MUC4: variants seen among roughly 807,000 people sequenced by gnomAD.
The protein encoded by MUC4 is mucin 4, cell surface associated.
A neutral mutation model predicts 257.9 loss-of-function variants in MUC4; 202 were observed. The ratio of observed to expected loss-of-function variants is 0.78; its 90% CI spans 0.70 to 0.88. The LOEUF is 0.88. Among genes scored for constraint, MUC4 ranks in the 40% least tolerant of loss-of-function variants. MUC4 has a pLI of 0.00. For missense variants in MUC4, 5,976 were observed against 6,513.7 expected, an observed-to-expected ratio of 0.92 and a Z score of 2.84; for synonymous variants, 2,351 against 2,757.1, an observed-to-expected ratio of 0.85 and a Z score of 4.62.
intron 1 of MUC4, among the ~76,000 whole-genome samples, chr3:195,794,375 G>GAGAGAGAGAGAGAGAAGAA (rs1560409442): frequency 1.1e-5 from 1 of 90,828 alleles, no homozygotes; most frequent in African/African-American, 4.9e-5. Context: ...TATATATATA[G>GAGAGAGAGAGAGAGAAGAA]AGAGAGAGAG....
rs1191630957 is a variant in MUC4 at position 195,767,564 on chromosome 3, C to CCACCACCAT, written c.13530-822_13530-814dup. Among the ~76,000 whole-genome samples the CCACCACCAT allele has an allele frequency of 1.8e-3, 61 of 34,716 alleles. 2 individuals are homozygous for CCACCACCAT. Among genetic ancestry groups the CCACCACCAT allele is most frequent in the African/African-American group, 7.6e-3 (60 of 7,850 alleles). 22.8% of individuals were successfully genotyped at this position (34,716 alleles called of 152,430 possible). A position where few individuals can be genotyped will look rare whatever the true frequency, so the allele number is the denominator to read the frequency against. Reference sequence around the variant, plus strand: ...ATCATCACCATCACCATTACCATTGCCACCACCATCACCACCACCATCACC... The same window carrying CCACCACCAT: ...ATCATCACCATCACCATTACCATTGCCACCACCATCACCACCATCACCACCACCATCACC... On this transcript the variant is annotated intron_variant, in intron 7 of 24. Coordinates refer to ENST00000463781, the MANE Select transcript of MUC4 (RefSeq NM_018406.7).
At chr3:195,807,525 T>C (rs1200213876) in intron 1 of MUC4, among the ~76,000 whole-genome samples, 1 of 151,704 alleles carries the variant, frequency 6.6e-6, no homozygotes, top group Non-Finnish European at 1.5e-5. Flanking sequence ...AAAAAAACCG[T>C]CTATGAAGAA....
chr3:195,763,987 A>G, intron 11 of MUC4, 58 bp downstream of exon 11: 1 of 1,564,006 alleles, frequency 6.4e-7, no homozygotes, highest in Non-Finnish European at 8.7e-7. Flanking sequence ...CACCTCCCGG[A>G]AGCCCAGAAG....
rs1736798998 is a variant in MUC4, at chr3:195,811,911, G to T, written c.-94C>A. The T allele has an allele frequency of 1.6e-6, 2 of 1,289,752 alleles. No individual in the cohort carries two copies. The highest frequency in any genetic ancestry group is 1.5e-5 in the African/African-American group (1 of 68,414). 79.9% of individuals were successfully genotyped at this position (1,289,752 alleles called of 1,614,324 possible). On this transcript the variant is annotated 5_prime_UTR_variant, in exon 1 of 25. Coordinates refer to ENST00000463781, the MANE Select transcript of MUC4 (RefSeq NM_018406.7). ...AGACGTGAGCCCGTCCCCTCAGGCG[G>T]CTGGCCCGAACCAAGTGCGTTTCTC...
chr3:195,754,925 C>T (rs78187884), intron 18 of MUC4, among the ~76,000 whole-genome samples: 3 of 134,346 alleles, frequency 2.2e-5, no homozygotes, highest in African/African-American at 5.7e-5. Flanking sequence ...TGCATGTATG[C>T]ATGTATCCAT....
rs1553871041 is a variant in MUC4 at position 195,780,739 on chromosome 3, G to A, written c.10841C>T (p.Thr3614Ile). Reference protein sequence around the residue: ...TDTSSASTGDTTRLPVTDTSS... With the variant: ...TDTSSASTGDITRLPVTDTSS... ...AGTGTCCGTGACAGGAAGACGGGTG[G>A]TGTCACCTGTGGATGCTGAGGAAGT... Residue 3614 changes from threonine (T) to isoleucine (I), a missense_variant, in exon 2 of 25, where the codon ACC (threonine) becomes ATC (isoleucine). By Grantham distance (89) the Thr-to-Ile change is moderately conservative. Around this residue, in one of 44 missense-constraint regions of MUC4, gnomAD observed 59 missense variants for 149.8 expected, o/e 0.39. Coordinates refer to ENST00000463781, the MANE Select transcript of MUC4 (RefSeq NM_018406.7). 1.3e-6 allele frequency: 2 copies of A among 1,499,268 alleles called. No individual in the cohort carries two copies. The highest frequency in any genetic ancestry group is 2.5e-5 in the East Asian group (1 of 39,960). 92.9% of individuals were successfully genotyped at this position (1,499,268 alleles called of 1,614,324 possible).
rs112260425 is a variant in MUC4 at position 195,788,304 on chromosome 3, A to G, written c.3276T>C (p.Thr1092=). 0.019 allele frequency: 19,098 copies of G among 997,234 alleles called. 1,645 individuals are homozygous for G. Among genetic ancestry groups the G allele is most frequent in the African/African-American group, 0.15 (2,887 of 19,438 alleles). The allele number at this position is 997,234 out of a possible 1,614,324, so 61.8% of individuals were successfully genotyped here. A position where few individuals can be genotyped will look rare whatever the true frequency, so the allele number is the denominator to read the frequency against. The part of the protein sequence containing the change: ...STGDTTPLPV[T]DTSSASTGHA... ...GACCTGTGGATGCTGAGGAAGTGTC[A>G]GTGACAGGAAGAGGGGTGGTGTCAC... The change falls in exon 2 of 25, where the codon ACT becomes ACC. Residue 1092 remains threonine, a synonymous_variant. Coordinates refer to ENST00000463781, the MANE Select transcript of MUC4 (RefSeq NM_018406.7).
chr3:195,778,785 G>C lies in MUC4; in HGVS notation c.12790+5C>G, dbSNP rs771589561. Reference sequence around the variant, plus strand: ...AGACATAAAGGCGAGGCAGTTGGCAGCTACCTGGTGTTTCCATCTTCAGAG... The same window carrying C: ...AGACATAAAGGCGAGGCAGTTGGCACCTACCTGGTGTTTCCATCTTCAGAG... On this transcript the variant is annotated splice_donor_5th_base_variant and intron_variant, in intron 2 of 24. Transcript: ENST00000463781. The C allele has an allele frequency of 4.4e-6, 7 of 1,605,706 alleles. No homozygotes were observed. In the South Asian group the frequency reaches 5.6e-5, roughly 13 times the overall value.
In MUC4 at chr3:195,782,599, G is replaced by T. The variant is rs768296818; in HGVS notation, c.8981C>A (p.Pro2994His). The T allele has an allele frequency of 1.2e-5, 11 of 889,986 alleles. 2 individuals carry two copies. The highest frequency in any genetic ancestry group is 1.2e-4 in the African/African-American group (6 of 49,090). The allele number at this position is 889,986 out of a possible 1,614,324, so 55.1% of individuals were successfully genotyped here. The change falls in exon 2 of 25, where the codon CCT (proline) becomes CAT (histidine). Residue 2994 changes from proline to histidine, a missense_variant. Physicochemically the swap from Pro to His is moderately conservative, Grantham distance 77. Transcript: ENST00000463781. ...SASTGHATLL[P>H]VTDTSSASIG... ...GGATGCTGAGGAAGTGTCGGTGACA[G>T]GAAGAAGGGTGGCGTGACCTGTGGA...
At chr3:195,770,666 GC>G in intron 5 of MUC4, 1 of 505,070 alleles carries the variant, frequency 2.0e-6, no homozygotes, top group African/African-American at 1.9e-5. Flanking sequence ...AGCCACTCGG[GC>G]CCACTTTTAC....
rs1482086259 is a variant in MUC4, at chr3:195,791,365, G to A, written c.215C>T (p.Ala72Val). The change falls in exon 2 of 25, where the codon GCT (alanine) becomes GTT (valine). Residue 72 changes from alanine to valine, a missense_variant. Ala to Val is a moderately conservative substitution (Grantham distance 64). Coordinates refer to ENST00000463781, the MANE Select transcript of MUC4 (RefSeq NM_018406.7). ...SSRTSNQDIS[A>V]SSQNHQTKST... ...CTTAGTCTGGTGGTTCTGAGATGAA[G>A]CTGATATGTCCTGATTAGAGGTCCT... The A allele has an allele frequency of 6.2e-7, 1 of 1,614,014 alleles. No individual in the cohort carries two copies. The highest frequency in any genetic ancestry group is 1.1e-5 in the South Asian group (1 of 91,082).
At position 195,748,912 on chromosome 3, in the gene MUC4, G is replaced by A; in HGVS notation, c.16024C>T (p.Pro5342Ser). 6.3e-7 allele frequency: 1 copy of A among 1,580,920 alleles called. No homozygotes were observed. Residue 5342 changes from proline (P) to serine (S), a missense_variant, in exon 24 of 25, where the codon CCC becomes TCC. Coordinates refer to ENST00000463781, the MANE Select transcript of MUC4 (RefSeq NM_018406.7). Reference protein sequence around the residue: ...GGQCQHLPSGPRCSCVSFSIY... With the variant: ...GGQCQHLPSGSRCSCVSFSIY... ...CACAGCCCTATGCACCTGCAGCGGGGCCCACTGGGCAGGTGCTGGCACTGG... is the reference window on the plus strand; with the variant it reads ...CACAGCCCTATGCACCTGCAGCGGGACCCACTGGGCAGGTGCTGGCACTGG...
Position 195,753,266 on chromosome 3 carries a change from A to T in MUC4, c.15329-36T>A, listed in dbSNP as rs143110045. On this transcript the variant is annotated intron_variant, in intron 19 of 24. Transcript: ENST00000463781. ...AGTAGGGAGGTCAGCAGCAGCGCGCAGGGCAGCAGAGGGACGGCCCAGCCC... is the reference window on the plus strand; with the variant it reads ...AGTAGGGAGGTCAGCAGCAGCGCGCTGGGCAGCAGAGGGACGGCCCAGCCC... The T allele has an allele frequency of 2.6e-3, 4,200 of 1,596,998 alleles. 90 individuals carry two copies. In the African/African-American group the frequency reaches 0.05, roughly 19 times the overall value.
At position 195,789,502 on chromosome 3, in the gene MUC4, G is replaced by C. The variant is rs1733581247; in HGVS notation, c.2078C>G (p.Thr693Arg). The C allele has an allele frequency of 6.2e-7, 1 of 1,613,740 alleles. No individual in the cohort carries two copies. Among genetic ancestry groups the C allele is most frequent in the Admixed American group, 1.7e-5 (1 of 59,984 alleles). ...CCCGGTGGGAGCTGGGGCAAAGGTTGTTGCTGCACTTATGGTGGGTGCGTC... is the reference window on the plus strand; with the variant it reads ...CCCGGTGGGAGCTGGGGCAAAGGTTCTTGCTGCACTTATGGTGGGTGCGTC... ...PQDAPTISAA[T>R]TFAPAPTGDG... The change falls in exon 2 of 25, where the codon ACA becomes AGA. Residue 693 changes from threonine (T) to arginine (R), a missense_variant. Thr to Arg is a moderately conservative substitution (Grantham distance 71). Around this residue, in one of 44 missense-constraint regions of MUC4, gnomAD observed 1,583 missense variants for 1,257.4 expected, o/e 1.26. Transcript: ENST00000463781.
chr3:195,754,398 C>T (rs753295669), intron 18 of MUC4, 26 bp from the exon 19 acceptor site: 5 of 1,586,388 alleles, frequency 3.2e-6, no homozygotes, highest in Non-Finnish European at 4.3e-6. Flanking sequence ...CGATCACGGG[C>T]GGCCAGGAGA....
At position 195,751,024 on chromosome 3, in the gene MUC4, C is replaced by A; in HGVS notation, c.15736G>T (p.Asp5246Tyr). 1 of 1,613,924 alleles carries A rather than the reference C, an allele frequency of 6.2e-7. No individual in the cohort carries two copies. Among genetic ancestry groups the A allele is most frequent in the Non-Finnish European group, 8.5e-7 (1 of 1,179,966 alleles). The change falls in exon 23 of 25, where the codon GAC (aspartate) becomes TAC (tyrosine). Residue 5246 changes from aspartate to tyrosine, a missense_variant. This residue lies in a region of MUC4 where 310 missense variants were observed against 242.1 expected (regional missense o/e 1.28). Transcript: ENST00000463781. ...GCCAGCAGCTGGTTGTTCAGGAAGT[C>A]AATGACCGGGCCCCGAGGGCGGTAC... ...FQYRPRGPVI[D>Y]FLNNQLLAAV...
chr3:195,761,718 G>C (rs1718953368), intron 14 of MUC4, 133 bp from the exon 15 acceptor site: 2 of 698,702 alleles, frequency 2.9e-6, no homozygotes, highest in South Asian at 1.8e-5. Context: ...CAGGCCTCCA[G>C]GGGAGCCGGG....
At chr3:195,749,353 G>T in intron 23 of MUC4, among the ~76,000 whole-genome samples, 1 of 152,206 alleles carries the variant, frequency 6.6e-6, no homozygotes, top group Non-Finnish European at 1.5e-5. Context: ...TGTGGAAAAA[G>T]GTTCCTATGG....
rs1462910765 is a variant in MUC4, at chr3:195,810,584, G to A, written c.82+1152C>T. Among the ~76,000 whole-genome samples, 1 of 152,168 alleles carries A rather than the reference G, an allele frequency of 6.6e-6. No individual in the cohort carries two copies. Among genetic ancestry groups the A allele is most frequent in the African/African-American group, 2.4e-5 (1 of 41,440 alleles). On this transcript the variant is annotated intron_variant, in intron 1 of 24. Coordinates refer to ENST00000463781, the MANE Select transcript of MUC4 (RefSeq NM_018406.7). The surrounding 1 kb of genome is among the most constrained non-coding windows in gnomAD (Gnocchi z 4.2). ...TGCCGGGGCTACGAGCCCCAGGCAA[G>A]GCCGTGACCCAAATGGAGGCTTTTA...
Sources: allele counts gnomAD v4.1 joint callset (sites outside exome capture counted in the v4.1 genomes callset), GRCh38; gene constraint gnomAD v4.1.1; regional missense constraint gnomAD v4.1.1; non-coding constraint Gnocchi (gnomAD v3.1); transcripts MANE v1.5; gene names NCBI Gene and HGNC (gene_info 2026-07-23, HGNC 2026-07-21).